The following PDE8B variants were observed in gnomAD, a reference collection of about 807,000 sequenced individuals.
PDE8B encodes the protein phosphodiesterase 8B, also known as high affinity cAMP-specific and IBMX-insensitive 3',5'-cyclic phosphodiesterase 8B.
In PDE8B, 26 loss-of-function variants were observed where a neutral mutation model predicts 101.3. That is an observed-to-expected ratio of 0.26 (90% CI 0.19 to 0.36). PDE8B has a LOEUF of 0.36. PDE8B is among the 10% of genes least tolerant of loss of function. PDE8B has a pLI of 1.00. For synonymous variants in PDE8B, 424 were observed against 429.3 expected (o/e 0.99, Z 0.15); for missense variants, 810 against 1,163.1 (o/e 0.70, Z 4.42).
intron 10 of PDE8B, among the ~76,000 whole-genome samples, chr5:77,357,091 GC>G (rs1782248876): frequency 6.6e-6 from 1 of 152,130 alleles, no homozygotes; most frequent in Non-Finnish European, 1.5e-5. Flanking sequence ...GAGATGCAGG[GC>G]CCCTTTCAAT....
At position 77,412,116 on chromosome 5, in the gene PDE8B, C is replaced by T. The variant is rs1794683139; in HGVS notation, c.1593C>T (p.His531=). Residue 531 remains histidine, a synonymous_variant, in exon 16 of 22, where the codon CAC becomes CAT. Transcript: ENST00000264917. ...TTTGCTCAGATGTGCACCAGAGTCA[C>T]AGTCACCTTGCAATGCCAATAACCA... ...YVFTKNVHQS[H]SHLAMPITIN... is the part of the protein sequence containing the mutation. 3 of 1,614,004 alleles carry T rather than the reference C, an allele frequency of 1.9e-6. No homozygotes were observed. Among genetic ancestry groups the T allele is most frequent in the Non-Finnish European group, 2.5e-6 (3 of 1,179,972 alleles).
chr5:77,255,675 T>C (rs543815196), intron 1 of PDE8B, among the ~76,000 whole-genome samples: 1 of 152,334 alleles, frequency 6.6e-6, no homozygotes, highest in East Asian at 1.9e-4. Context: ...CCTGGCTGCA[T>C]TGCAGGCGGA....
At chr5:77,267,797 A>G (rs865990404) in intron 1 of PDE8B, among the ~76,000 whole-genome samples, 17 of 152,220 alleles carry the variant, frequency 1.1e-4, no homozygotes, top group African/African-American at 3.6e-4. Flanking sequence ...TGGTATGCGA[A>G]GTGATTACAA....
At chr5:77,407,689 A>AG (rs1793759496) in intron 13 of PDE8B, among the ~76,000 whole-genome samples, 1 of 152,212 alleles carries the variant, frequency 6.6e-6, no homozygotes, top group African/African-American at 2.4e-5. Context: ...GTAGGTTGGA[A>AG]GAGAGGGTGG....
At chr5:77,298,806 GC>G (rs1769196903) in intron 1 of PDE8B, among the ~76,000 whole-genome samples, 1 of 152,166 alleles carries the variant, frequency 6.6e-6, no homozygotes, top group Non-Finnish European at 1.5e-5. Context: ...TTAGATTGGT[GC>G]TTCTCAAACC....
intron 1 of PDE8B, among the ~76,000 whole-genome samples, chr5:77,302,288 G>A (rs1770130354): frequency 6.6e-6 from 1 of 152,180 alleles, no homozygotes; most frequent in South Asian, 2.1e-4. Flanking sequence ...GTGGGATGTA[G>A]CATCCCCCCT....
chr5:77,178,346 T>C, the PDE8B span, among the ~76,000 whole-genome samples: 1 of 152,330 alleles, frequency 6.6e-6, no homozygotes, highest in Non-Finnish European at 1.5e-5. Context: ...CTTTAATCTG[T>C]TGGGTTGTTT....
At chr5:77,228,583 G>A (rs930336875) in intron 1 of PDE8B, among the ~76,000 whole-genome samples, 5 of 152,180 alleles carry the variant, frequency 3.3e-5, no homozygotes, top group Middle Eastern at 3.4e-3. Context: ...TCCAAGCAGA[G>A]AGACTAACAT....
At chr5:77,371,173 G>A (rs1166570836) in intron 10 of PDE8B, among the ~76,000 whole-genome samples, 1 of 152,092 alleles carries the variant, frequency 6.6e-6, no homozygotes. Context: ...TGTTTTCTGT[G>A]ACCTACCTAA....
intron 4 of PDE8B, 93 bp downstream of exon 4, chr5:77,329,150 G>T: frequency 1.0e-6 from 1 of 966,256 alleles, no homozygotes; most frequent in South Asian, 1.3e-5. Context: ...TCTAAGCAAT[G>T]GGTGTGTCTT....
chr5:77,392,549 A>G (rs566772522), intron 10 of PDE8B, among the ~76,000 whole-genome samples: 1 of 152,186 alleles, frequency 6.6e-6, no homozygotes, highest in African/African-American at 2.4e-5. Context: ...TACAGTAGGT[A>G]TGTGCTTTTA....
At chr5:77,314,688 C>T (rs1469287953) in intron 2 of PDE8B, among the ~76,000 whole-genome samples, 1 of 151,854 alleles carries the variant, frequency 6.6e-6, no homozygotes, top group Non-Finnish European at 1.5e-5. Context: ...AGTCTAGATG[C>T]TTTTTTTTCT....
the PDE8B span, among the ~76,000 whole-genome samples, chr5:77,174,614 C>T: frequency 2.6e-5 from 4 of 152,168 alleles, no homozygotes; most frequent in Non-Finnish European, 4.4e-5. Context: ...GTGAACAAGT[C>T]GTTGAAACAG....
chr5:77,147,029 A>G, the PDE8B span: 1 of 458,758 alleles, frequency 2.2e-6, no homozygotes, highest in Non-Finnish European at 4.3e-6. Context: ...AGCTGAAGGA[A>G]AAATATGAAA....
rs10536220 is a variant in PDE8B at position 77,427,401 on chromosome 5, T to TAA, written c.*863_*864dup. On this transcript the variant is annotated 3_prime_UTR_variant, in exon 22 of 22. Coordinates refer to ENST00000264917, the MANE Select transcript of PDE8B (RefSeq NM_003719.5). ...TGAATGCCCTTGGACAAGCTTTTCT[T>TAA]AAAAAAAAAAAAAAAAAGTTTATAT... The TAA allele has an allele frequency of 6.0e-3, 867 of 144,486 alleles. 8 individuals carry two copies. The highest frequency in any genetic ancestry group is 0.012 in the African/African-American group (480 of 40,048). The allele number at this position is 144,486 out of a possible 1,614,324, so 9.0% of individuals were successfully genotyped here. A position where few individuals can be genotyped will look rare whatever the true frequency, so the allele number is the denominator to read the frequency against.
intron 10 of PDE8B, among the ~76,000 whole-genome samples, chr5:77,366,741 G>A (rs1784219562): frequency 6.6e-6 from 1 of 152,190 alleles, no homozygotes; most frequent in Non-Finnish European, 1.5e-5. Context: ...AGAGGGAATT[G>A]TCTGAACAGT....
intron 10 of PDE8B, among the ~76,000 whole-genome samples, chr5:77,360,664 C>A (rs1401643948): frequency 6.6e-6 from 1 of 152,156 alleles, no homozygotes; most frequent in Non-Finnish European, 1.5e-5. Flanking sequence ...GAATAGAATC[C>A]CTGGCTTGGC....
the PDE8B span, among the ~76,000 whole-genome samples, chr5:77,173,854 A>C: frequency 6.6e-6 from 1 of 152,078 alleles, no homozygotes; most frequent in African/African-American, 2.4e-5. Flanking sequence ...TTTATTTTCT[A>C]TGAGAACATT....
At chr5:77,138,384 T>G in the PDE8B span, among the ~76,000 whole-genome samples, 805 of 152,286 alleles carry the variant, frequency 5.3e-3, 9 homozygotes, top group African/African-American at 0.018. Context: ...TCTGTTGTTT[T>G]TGTTTTTGCT....
Sources: allele counts gnomAD v4.1 joint callset (sites outside exome capture counted in the v4.1 genomes callset), GRCh38; gene constraint gnomAD v4.1.1; transcripts MANE v1.5; gene names NCBI Gene and HGNC (gene_info 2026-07-23, HGNC 2026-07-21).